Variants in ABCC6 observed in about 807,000 individuals in gnomAD.
The protein encoded by ABCC6 is ATP binding cassette subfamily C member 6.
Under a neutral mutation model 169.5 loss-of-function variants are expected in ABCC6, and 126 were observed. The observed-to-expected ratio is 0.74, with a 90% CI of 0.64 to 0.86. ABCC6 has a LOEUF of 0.86. Ranked by LOEUF, ABCC6 falls within the 40% of genes least tolerant of loss-of-function variation. ABCC6 has a pLI of 0.00. For missense variants in ABCC6, 1,733 were observed against 1,927.2 expected (o/e 0.90, Z 1.89); for synonymous variants, 752 against 814.7 (o/e 0.92, Z 1.31).
At chr16:16,160,050 C>T (rs1400627511) in intron 25 of ABCC6, among the ~76,000 whole-genome samples, 1 of 152,158 alleles carries the variant, frequency 6.6e-6, no homozygotes, top group Non-Finnish European at 1.5e-5. Context: ...CCTTGTCTCC[C>T]AGCACCCCTG....
At chr16:16,192,801 C>G (rs1206067389) in intron 11 of ABCC6, 29 bp downstream of exon 11, 1 of 1,595,132 alleles carries the variant, frequency 6.3e-7, no homozygotes, top group East Asian at 2.2e-5. Context: ...TACTTCCTGC[C>G]TGGTCCGTCC....
intron 19 of ABCC6, among the ~76,000 whole-genome samples, chr16:16,177,020 T>C (rs3784870): frequency 0.66 from 99,656 of 152,108 alleles, 34,271 homozygotes; most frequent in Non-Finnish European, 0.75. Context: ...CTAGCTAGCA[T>C]GGTGTAGCTT....
At chr16:16,163,462 A>T (rs1444015384) in intron 23 of ABCC6, among the ~76,000 whole-genome samples, 1 of 152,152 alleles carries the variant, frequency 6.6e-6, no homozygotes, top group Non-Finnish European at 1.5e-5. Context: ...TGGAAATGTC[A>T]CCTTGACTTT....
At chr16:16,212,928 C>T (rs945152548) in intron 5 of ABCC6, among the ~76,000 whole-genome samples, 5 of 152,034 alleles carry the variant, frequency 3.3e-5, no homozygotes, top group African/African-American at 1.2e-4. Context: ...AGGAAGATTA[C>T]AACAGTCTGT....
At chr16:16,197,498 G>A (rs1019694512) in intron 10 of ABCC6, among the ~76,000 whole-genome samples, 2 of 151,090 alleles carry the variant, frequency 1.3e-5, no homozygotes, top group African/African-American at 4.9e-5. Flanking sequence ...AAGAGCAGAG[G>A]GAAGAGAGGG....
intron 19 of ABCC6, 75 bp downstream of exon 19, chr16:16,177,377 G>A (rs2047310127): frequency 1.9e-6 from 3 of 1,562,522 alleles, no homozygotes; most frequent in African/African-American, 2.7e-5. Flanking sequence ...ATTCATGCCA[G>A]TAGGACCCTT....
At chr16:16,167,353 A>C (rs1256124269) in intron 22 of ABCC6, among the ~76,000 whole-genome samples, 1 of 152,226 alleles carries the variant, frequency 6.6e-6, no homozygotes. Flanking sequence ...AGAGGAGGGA[A>C]ATAAAGCGAT....
At chr16:16,165,393 G>A (rs2046842186) in intron 23 of ABCC6, among the ~76,000 whole-genome samples, 1 of 152,092 alleles carries the variant, frequency 6.6e-6, no homozygotes, top group Non-Finnish European at 1.5e-5. Flanking sequence ...AGCCTTGGCA[G>A]GAGAGCAAGA....
chr16:16,203,279 C>G (rs542162260), intron 8 of ABCC6, 131 bp downstream of exon 8: 1 of 1,499,854 alleles, frequency 6.7e-7, no homozygotes, highest in Admixed American at 2.0e-5. Flanking sequence ...CAGTGTCCTT[C>G]TCACCCACCA....
chr16:16,216,917 C>T (rs1332112156), intron 4 of ABCC6, among the ~76,000 whole-genome samples: 2 of 149,938 alleles, frequency 1.3e-5, no homozygotes, highest in Non-Finnish European at 3.0e-5. Flanking sequence ...GGTGGCTCTT[C>T]TTGCCACTCC....
intron 15 of ABCC6, chr16:16,184,243 C>T (rs575190516): frequency 5.0e-6 from 1 of 198,194 alleles, no homozygotes; most frequent in South Asian, 5.3e-5. Context: ...GCTCTTCTCC[C>T]AGACACTCCT....
intron 16 of ABCC6, 40 bp from the exon 17 acceptor site, chr16:16,182,628 G>A (rs2047515319): frequency 6.2e-7 from 1 of 1,606,002 alleles, no homozygotes; most frequent in Non-Finnish European, 8.5e-7. Context: ...GGATGATGGG[G>A]ACAGAGGTGG....
intron 2 of ABCC6, among the ~76,000 whole-genome samples, 170 bp from the exon 3 acceptor site, chr16:16,220,117 T>C (rs1312685150): frequency 1.3e-5 from 2 of 148,386 alleles, no homozygotes; most frequent in Admixed American, 1.4e-4. Context: ...GTAAAGGGCA[T>C]TGCAGATCAC....
chr16:16,206,954 T>C (rs561343832), intron 7 of ABCC6, among the ~76,000 whole-genome samples: 3 of 152,176 alleles, frequency 2.0e-5, no homozygotes, highest in Non-Finnish European at 2.9e-5. Flanking sequence ...CTGGCCAACA[T>C]GGTGAGACCC....
chr16:16,188,800 AG>A lies in ABCC6; in HGVS notation c.1779+30del, dbSNP rs753118964. 16 of 1,606,412 alleles carry A rather than the reference AG, an allele frequency of 1.0e-5. No individual in the cohort carries two copies. In the African/African-American group the frequency reaches 1.9e-4, roughly 19 times the overall value. Reference sequence around the variant, plus strand: ...CCAGGTGTAGCCCACGCACTCTCCCAGGATGGCTCCAGCCCTTGCACCCACC... The same window carrying A: ...CCAGGTGTAGCCCACGCACTCTCCCAGATGGCTCCAGCCCTTGCACCCACC... On this transcript the variant is annotated intron_variant, in intron 13 of 30. Transcript: ENST00000205557.
At chr16:16,174,983 C>A (rs1296894678) in intron 20 of ABCC6, among the ~76,000 whole-genome samples, 6 of 151,442 alleles carry the variant, frequency 4.0e-5, no homozygotes, top group African/African-American at 1.5e-4. Context: ...CCATGTTGGC[C>A]AGGCTGGTCT....
chr16:16,182,809 T>C lies in ABCC6; in HGVS notation c.2065A>G (p.Ile689Val). Reference sequence around the variant, plus strand: ...CAGGCTGGGGGTGGCCTCACCTCGATGCTCACGAACCCCTCCACCTTTGAC... The same window carrying C: ...CAGGCTGGGGGTGGCCTCACCTCGACGCTCACGAACCCCTCCACCTTTGAC... ...ELSKVEGFVSIEGAVAYVPQE... is the reference protein window; with the variant it reads ...ELSKVEGFVSVEGAVAYVPQE... Residue 689 changes from isoleucine to valine, a missense_variant, in exon 16 of 31, where the codon ATC becomes GTC. This residue lies in a region of ABCC6 where 1,601 missense variants were observed against 1,635.5 expected (regional missense o/e 0.98). Transcript: ENST00000205557. 6.2e-7 allele frequency: 1 copy of C among 1,613,946 alleles called. No individual in the cohort carries two copies.
At chr16:16,200,983 C>A (rs1436960376) in intron 9 of ABCC6, among the ~76,000 whole-genome samples, 1 of 151,256 alleles carries the variant, frequency 6.6e-6, no homozygotes, top group Non-Finnish European at 1.5e-5. Flanking sequence ...TTTTTTTGTT[C>A]TGAGACGAGG....
intron 17 of ABCC6, 108 bp from the exon 18 acceptor site, chr16:16,179,073 G>T: frequency 1.6e-6 from 2 of 1,231,806 alleles, no homozygotes; most frequent in Non-Finnish European, 2.3e-6. Flanking sequence ...GTGAGGTACA[G>T]CTCAACATGC....
Sources: gnomAD v4.1 joint callset for allele counts (sites outside exome capture counted in the v4.1 genomes callset) on GRCh38, gnomAD v4.1.1 for gene constraint, gnomAD v4.1.1 regional missense constraint, MANE v1.5 for transcripts, NCBI Gene and HGNC (gene_info 2026-07-23, HGNC 2026-07-21) for gene names.